Variants in COX10 observed in about 807,000 individuals in gnomAD.
COX10 encodes protoheme IX farnesyltransferase, mitochondrial.
Under a neutral mutation model 37.3 loss-of-function variants are expected in COX10, and 27 were observed. That is an observed-to-expected ratio of 0.72 (90% CI 0.53 to 1.00). The LOEUF (loss-of-function observed/expected upper bound fraction) is 1.00. Among genes scored for constraint, COX10 ranks in the 50% least tolerant of loss-of-function variants. The probability of loss-of-function intolerance (pLI) is 0.00; values close to 1 mark genes in which losing one functional copy is unlikely to be tolerated. For missense variants in COX10, 475 were observed against 563.2 expected (o/e 0.84, Z 1.59); for synonymous variants, 222 against 229.1 (o/e 0.97, Z 0.28).
chr17:14,100,347 C>T (rs1342149355), intron 3 of COX10, among the ~76,000 whole-genome samples: 1 of 152,154 alleles, frequency 6.6e-6, no homozygotes, highest in African/African-American at 2.4e-5. Context: ...GTGAACTACA[C>T]AGACAGGGGT....
intron 2 of COX10, 130 bp from the exon 3 acceptor site, chr17:14,076,605 A>G: frequency 1.2e-6 from 1 of 834,814 alleles, no homozygotes; most frequent in East Asian, 2.6e-5. Context: ...ATGCCGAATT[A>G]ACAGATATTA....
At chr17:14,112,988 C>T (rs1452092256) in intron 4 of COX10, among the ~76,000 whole-genome samples, 1 of 152,128 alleles carries the variant, frequency 6.6e-6, no homozygotes, top group East Asian at 1.9e-4. Flanking sequence ...GTTTTGGTAA[C>T]ATAATTAATG....
At chr17:14,162,404 G>A (rs1251190129) in intron 5 of COX10, among the ~76,000 whole-genome samples, 1 of 152,110 alleles carries the variant, frequency 6.6e-6, no homozygotes, top group East Asian at 1.9e-4. Flanking sequence ...GAGAATAAAA[G>A]GAATTCAACA....
chr17:14,169,886 G>A (rs903245998), intron 5 of COX10, among the ~76,000 whole-genome samples: 2 of 152,164 alleles, frequency 1.3e-5, no homozygotes, highest in East Asian at 3.9e-4. Flanking sequence ...TATGGGATCA[G>A]ATTCTTCATG....
intron 3 of COX10, among the ~76,000 whole-genome samples, chr17:14,078,756 G>A (rs1192713438): frequency 6.6e-6 from 1 of 152,066 alleles, no homozygotes; most frequent in Non-Finnish European, 1.5e-5. Context: ...TAACTTATAC[G>A]AGTCTATAGT....
chr17:14,170,693 C>T (rs576510601), intron 5 of COX10, among the ~76,000 whole-genome samples: 1 of 152,232 alleles, frequency 6.6e-6, no homozygotes, highest in African/African-American at 2.4e-5. Flanking sequence ...TGGCACACTC[C>T]TGTCATCCCA....
intron 3 of COX10, among the ~76,000 whole-genome samples, chr17:14,091,315 G>A (rs553186295): frequency 1.3e-5 from 2 of 152,308 alleles, no homozygotes; most frequent in African/African-American, 4.8e-5. Context: ...ACTTTGCTTT[G>A]TCCTGTTATC....
intron 6 of COX10, among the ~76,000 whole-genome samples, 172 bp downstream of exon 6, chr17:14,192,393 G>T (rs1285934889): frequency 6.6e-6 from 1 of 152,190 alleles, no homozygotes; most frequent in Admixed American, 6.5e-5. Flanking sequence ...GAGAGACCGT[G>T]TCATCCTGGC....
chr17:14,186,002 A>C (rs1446692745), intron 5 of COX10, among the ~76,000 whole-genome samples: 1 of 152,136 alleles, frequency 6.6e-6, no homozygotes, highest in Non-Finnish European at 1.5e-5. Context: ...AATCTGGAAG[A>C]TAGATTAAAG....
chr17:14,077,173 AT>A lies in COX10; in HGVS notation c.499+122del, dbSNP rs377138059. ...TTGGAACTGCAGGTCCTGTCTTAGTATTTTTCCTCTCTTCAATTTAACTGGG... is the reference window on the plus strand; with the variant it reads ...TTGGAACTGCAGGTCCTGTCTTAGTATTTTCCTCTCTTCAATTTAACTGGG... On this transcript the variant is annotated intron_variant, in intron 3 of 6. Coordinates refer to ENST00000261643, the MANE Select transcript of COX10 (RefSeq NM_001303.4). The A allele has an allele frequency of 1.9e-4, 176 of 927,954 alleles. 2 individuals carry two copies. The highest frequency in any genetic ancestry group is 1.7e-3 in the African/African-American group (100 of 59,594). The allele number at this position is 927,954 out of a possible 1,614,324, so 57.5% of individuals were successfully genotyped here.
chr17:14,071,460 G>A (rs139504596), intron 1 of COX10, among the ~76,000 whole-genome samples: 7 of 152,322 alleles, frequency 4.6e-5, no homozygotes, highest in East Asian at 1.9e-4. Flanking sequence ...TCTACTAAGA[G>A]AGCTTGATGG....
chr17:14,075,427 A>T (rs1915119385), intron 2 of COX10, among the ~76,000 whole-genome samples: 1 of 152,190 alleles, frequency 6.6e-6, no homozygotes, highest in African/African-American at 2.4e-5. Context: ...CTCCACTCCC[A>T]TGCCTGCCTA....
At chr17:14,183,956 TAATGAATG>T (rs749155935) in intron 5 of COX10, among the ~76,000 whole-genome samples, 1 of 133,626 alleles carries the variant, frequency 7.5e-6, no homozygotes, top group Non-Finnish European at 1.7e-5. Context: ...TGAGAAATTT[TAATGAATG>T]AATGAATGAA....
At chr17:14,094,306 T>A (rs945775131) in intron 3 of COX10, among the ~76,000 whole-genome samples, 4 of 150,572 alleles carry the variant, frequency 2.7e-5, no homozygotes, top group African/African-American at 9.7e-5. Flanking sequence ...CTATTATATA[T>A]AAATATATAT....
rs549153190 is a variant in COX10 at position 14,155,423 on chromosome 17, T to C, written c.625-4454T>C. On this transcript the variant is annotated intron_variant, in intron 4 of 6. Transcript: ENST00000261643. ...CACACGTAGTGGTTTTATTGAAAGA[T>C]AGGAGAGTGAGGCCGGGCACGGTGG... Among the ~76,000 whole-genome samples the C allele has an allele frequency of 5.2e-4, 79 of 151,244 alleles. 1 individual carries two copies. In the South Asian group the frequency reaches 0.015, roughly 28 times the overall value.
intron 5 of COX10, among the ~76,000 whole-genome samples, chr17:14,170,930 G>A (rs2530370): frequency 0.58 from 88,089 of 152,060 alleles, 25,943 homozygotes; most frequent in Non-Finnish European, 0.62. Context: ...GTTTAAAACT[G>A]TAGAGAAATA....
At chr17:14,116,183 A>T (rs1916104391) in intron 4 of COX10, among the ~76,000 whole-genome samples, 1 of 152,176 alleles carries the variant, frequency 6.6e-6, no homozygotes, top group African/African-American at 2.4e-5. Context: ...GTTACCCTTC[A>T]TTAACTGGTA....
chr17:14,088,987 T>G (rs1163004463), intron 3 of COX10, among the ~76,000 whole-genome samples: 2 of 152,226 alleles, frequency 1.3e-5, no homozygotes, highest in Non-Finnish European at 2.9e-5. Flanking sequence ...GAATTTATTA[T>G]GTCTCATTGG....
At chr17:14,167,050 A>T (rs987802874) in intron 5 of COX10, among the ~76,000 whole-genome samples, 7 of 152,122 alleles carry the variant, frequency 4.6e-5, no homozygotes, top group Non-Finnish European at 1.0e-4. Flanking sequence ...TGCCATGAAA[A>T]ACATTCATGA....
Sources: gnomAD v4.1 joint callset for allele counts (sites outside exome capture counted in the v4.1 genomes callset) on GRCh38, gnomAD v4.1.1 for gene constraint, MANE v1.5 for transcripts, NCBI Gene and HGNC (gene_info 2026-07-23, HGNC 2026-07-21) for gene names.